Variants in PDE4B observed in about 807,000 individuals in gnomAD.
PDE4B encodes the protein 3',5'-cyclic-AMP phosphodiesterase 4B.
PDE4B carries 20 observed loss-of-function variants against 82.2 expected under a neutral mutation model. The observed-to-expected ratio is 0.24, with a 90% CI of 0.17 to 0.35. The LOEUF (loss-of-function observed/expected upper bound fraction) is 0.35. PDE4B is among the 10% of genes least tolerant of loss of function. PDE4B has a pLI of 1.00. For missense variants in PDE4B, 655 were observed against 907.2 expected, an observed-to-expected ratio of 0.72 and a Z score of 3.57; for synonymous variants, 320 against 318.9, an observed-to-expected ratio of 1.00 and a Z score of -0.04.
chr1:66,265,561 C>G (rs1379998767), intron 6 of PDE4B, among the ~76,000 whole-genome samples: 2 of 152,100 alleles, frequency 1.3e-5, no homozygotes, highest in Admixed American at 1.3e-4. Context: ...GTGACCTTGG[C>G]AAGTGACTTC....
At chr1:65,871,594 T>C (rs900131575) in intron 1 of PDE4B, among the ~76,000 whole-genome samples, 11 of 152,252 alleles carry the variant, frequency 7.2e-5, no homozygotes, top group African/African-American at 2.7e-4. Context: ...GAATTTGTAC[T>C]TTATTTTTAT....
At chr1:65,965,085 A>G (rs1181449307) in intron 3 of PDE4B, among the ~76,000 whole-genome samples, 1 of 152,140 alleles carries the variant, frequency 6.6e-6, no homozygotes, top group Non-Finnish European at 1.5e-5. Context: ...AATGAGACAT[A>G]TATATGTGCC....
chr1:66,110,538 A>T (rs915838947), intron 3 of PDE4B, among the ~76,000 whole-genome samples: 1 of 152,106 alleles, frequency 6.6e-6, no homozygotes, highest in African/African-American at 2.4e-5. Context: ...TACCAAATAC[A>T]TGGTGGATAT....
intron 1 of PDE4B, among the ~76,000 whole-genome samples, chr1:65,881,039 G>A (rs529072311): frequency 6.6e-5 from 10 of 152,216 alleles, no homozygotes; most frequent in African/African-American, 2.4e-4. Flanking sequence ...GCCTAGGGAT[G>A]GTAACAACTC....
intron 3 of PDE4B, among the ~76,000 whole-genome samples, chr1:66,149,214 C>T (rs550067794): frequency 5.3e-5 from 8 of 152,260 alleles, no homozygotes; most frequent in Admixed American, 4.6e-4. Context: ...ATGCATTGCT[C>T]TTGAATGATG....
At chr1:65,841,477 G>C (rs1311447263) in intron 1 of PDE4B, among the ~76,000 whole-genome samples, 4 of 152,096 alleles carry the variant, frequency 2.6e-5, no homozygotes, top group African/African-American at 7.2e-5. Flanking sequence ...AGGTACCTGT[G>C]TGATCTTGGG....
intron 3 of PDE4B, among the ~76,000 whole-genome samples, chr1:66,171,986 A>G (rs983784191): frequency 6.6e-6 from 1 of 152,170 alleles, no homozygotes; most frequent in Admixed American, 6.5e-5. Context: ...TTCAGGGAGT[A>G]TATGTGCAGG....
At chr1:66,243,917 C>T (rs576298965) in intron 3 of PDE4B, among the ~76,000 whole-genome samples, 1 of 152,312 alleles carries the variant, frequency 6.6e-6, no homozygotes, top group East Asian at 1.9e-4. Flanking sequence ...AGGCCACTTT[C>T]AATGCCGTGT....
chr1:66,325,313 C>T (rs529257359), intron 7 of PDE4B, among the ~76,000 whole-genome samples: 87 of 152,276 alleles, frequency 5.7e-4, no homozygotes, highest in African/African-American at 2.0e-3. Context: ...GCTGAGAAGG[C>T]GCCTAGCTTC....
intron 3 of PDE4B, among the ~76,000 whole-genome samples, chr1:66,007,741 G>A (rs754055026): frequency 1.2e-4 from 18 of 152,170 alleles, no homozygotes; most frequent in South Asian, 4.2e-4. Context: ...AAACAAATTC[G>A]CATTTTAATT....
intron 3 of PDE4B, among the ~76,000 whole-genome samples, chr1:65,945,353 T>C (rs1450135205): frequency 6.6e-6 from 1 of 151,964 alleles, no homozygotes; most frequent in Non-Finnish European, 1.5e-5. Flanking sequence ...TTGGCCTGAG[T>C]AAATATTTTG....
At chr1:65,858,266 G>A (rs759032587) in intron 1 of PDE4B, among the ~76,000 whole-genome samples, 7 of 152,138 alleles carry the variant, frequency 4.6e-5, no homozygotes, top group East Asian at 3.8e-4. Flanking sequence ...TATAATCAGC[G>A]TTTATTCCCT....
At chr1:66,295,156 G>T (rs1216706646) in intron 7 of PDE4B, among the ~76,000 whole-genome samples, 1 of 152,136 alleles carries the variant, frequency 6.6e-6, no homozygotes, top group Admixed American at 6.6e-5. Context: ...GGACAGGTTT[G>T]TTCCTAGTGG....
At chr1:66,078,254 T>G (rs1656532678) in intron 3 of PDE4B, among the ~76,000 whole-genome samples, 1 of 151,950 alleles carries the variant, frequency 6.6e-6, no homozygotes, top group South Asian at 2.1e-4. Context: ...TGGAGTGCAG[T>G]GGCATAATCT....
intron 1 of PDE4B, among the ~76,000 whole-genome samples, chr1:65,843,993 A>G (rs1646239401): frequency 6.6e-6 from 1 of 152,172 alleles, no homozygotes; most frequent in South Asian, 2.1e-4. Flanking sequence ...GATTGTTTTT[A>G]AAGTTTCAGG....
intron 7 of PDE4B, among the ~76,000 whole-genome samples, chr1:66,305,464 G>A (rs1260187401): frequency 6.6e-6 from 1 of 152,114 alleles, no homozygotes; most frequent in Admixed American, 6.6e-5. Flanking sequence ...ACTGATTGTA[G>A]TATAATAACT....
At chr1:66,106,996 C>T (rs1032052092) in intron 3 of PDE4B, among the ~76,000 whole-genome samples, 2 of 148,814 alleles carry the variant, frequency 1.3e-5, no homozygotes, top group African/African-American at 2.5e-5. Flanking sequence ...AATGTGTTTG[C>T]TCTTGCTTTT....
chr1:66,138,450 C>T (rs551330171), intron 3 of PDE4B, among the ~76,000 whole-genome samples: 29 of 152,164 alleles, frequency 1.9e-4, no homozygotes, highest in South Asian at 1.2e-3. Flanking sequence ...ACCCTGGAGG[C>T]GGAGGTTGCA....
At chr1:66,062,352 G>A (rs1655622105) in intron 3 of PDE4B, among the ~76,000 whole-genome samples, 1 of 151,928 alleles carries the variant, frequency 6.6e-6, no homozygotes, top group Non-Finnish European at 1.5e-5. Context: ...CATCATGGAG[G>A]GTTTATAGGA....
Sources: gnomAD v4.1 joint callset for allele counts (sites outside exome capture counted in the v4.1 genomes callset) on GRCh38, gnomAD v4.1.1 for gene constraint, MANE v1.5 for transcripts, NCBI Gene and HGNC (gene_info 2026-07-23, HGNC 2026-07-21) for gene names.